The following ELOVL6 variants were observed in gnomAD, a reference collection of about 807,000 sequenced individuals.
The protein encoded by ELOVL6 is ELOVL fatty acid elongase 6, also known as very long chain fatty acid elongase 6.
In ELOVL6, 8 loss-of-function variants were observed where a neutral mutation model predicts 31.7. The observed-to-expected ratio is 0.25, with a 90% CI of 0.15 to 0.45. The LOEUF (loss-of-function observed/expected upper bound fraction) is 0.45. Ranked by LOEUF, ELOVL6 falls within the 20% of genes least tolerant of loss-of-function variation. ELOVL6 has a pLI of 1.00. For synonymous variants in ELOVL6, 101 were observed against 117.7 expected (o/e 0.86, Z 0.92); for missense variants, 126 against 326.4 (o/e 0.39, Z 4.73).
At chr4:110,186,249 C>A (rs1187466663) in intron 1 of ELOVL6, among the ~76,000 whole-genome samples, 1 of 151,924 alleles carries the variant, frequency 6.6e-6, no homozygotes, top group African/African-American at 2.4e-5. Context: ...AGTGACTTAA[C>A]AAGTAGGTGA....
At chr4:110,127,238 C>T (rs1215951682) in intron 1 of ELOVL6, among the ~76,000 whole-genome samples, 1 of 151,838 alleles carries the variant, frequency 6.6e-6, no homozygotes, top group East Asian at 1.9e-4. Context: ...GAAACCCTGT[C>T]TCTACTAAAA....
chr4:110,195,423 AAAATT>A (rs1311890872), intron 1 of ELOVL6, among the ~76,000 whole-genome samples: 2 of 152,174 alleles, frequency 1.3e-5, no homozygotes, highest in African/African-American at 4.8e-5. Flanking sequence ...CCCGGCTAAT[AAAATT>A]AAATTTTAAA....
intron 1 of ELOVL6, among the ~76,000 whole-genome samples, chr4:110,167,575 C>G (rs1030250897): frequency 6.6e-6 from 1 of 152,110 alleles, no homozygotes; most frequent in East Asian, 1.9e-4. Flanking sequence ...CTCTGTTGCC[C>G]AGGCTGGAGT....
intron 1 of ELOVL6, among the ~76,000 whole-genome samples, chr4:110,188,616 G>A (rs532404840): frequency 3.4e-4 from 51 of 152,172 alleles, no homozygotes; most frequent in African/African-American, 1.0e-3. Flanking sequence ...GGCCAGGCGC[G>A]GTGGCTCATG....
At chr4:110,185,347 C>CA (rs34254189) in intron 1 of ELOVL6, among the ~76,000 whole-genome samples, 26,412 of 152,096 alleles carry the variant, frequency 0.17, 2,564 homozygotes, top group South Asian at 0.26. Flanking sequence ...AGGAGCTTTG[C>CA]AATGTTCCAA....
chr4:110,153,454 A>G (rs149394682), intron 1 of ELOVL6, among the ~76,000 whole-genome samples: 1 of 152,336 alleles, frequency 6.6e-6, no homozygotes, highest in African/African-American at 2.4e-5. Context: ...AACTTAATTG[A>G]TAATTAATAG....
At chr4:110,081,385 C>A (rs982642883) in intron 2 of ELOVL6, among the ~76,000 whole-genome samples, 4 of 152,058 alleles carry the variant, frequency 2.6e-5, no homozygotes, top group African/African-American at 9.7e-5. Flanking sequence ...GTACTGGTAC[C>A]AAAACAGAGA....
rs151235418 is a variant in ELOVL6, at chr4:110,065,303, A to C, written c.222-5549T>G. On this transcript the variant is annotated intron_variant, in intron 2 of 3. Transcript: ENST00000302274. ...ATTGGGGTCCTTTTTAAAGATGTATAAGAGATATAGCTAATCTTCTTTAAA... is the reference window on the plus strand; with the variant it reads ...ATTGGGGTCCTTTTTAAAGATGTATCAGAGATATAGCTAATCTTCTTTAAA... Among the ~76,000 whole-genome samples the C allele has an allele frequency of 3.1e-3, 468 of 152,218 alleles. 10 individuals carry two copies. The highest frequency in any genetic ancestry group is 4.6e-4 in the Non-Finnish European group (31 of 68,002).
Position 110,048,638 on chromosome 4 carries a change from A to T in ELOVL6, c.*2700T>A, listed in dbSNP as rs1403584068. The T allele has an allele frequency of 6.6e-6, 1 of 152,212 alleles. No homozygotes were observed. The highest frequency in any genetic ancestry group is 6.5e-5 in the Admixed American group (1 of 15,284). The allele number at this position is 152,212 out of a possible 1,614,324, so 9.4% of individuals were successfully genotyped here. ...TCCAGCCTCATATCTTGATATGATT[A>T]AAGCGGCTAAGCTGAGATGTTAAAA... is the stretch of plus-strand genomic sequence containing the variant. On this transcript the variant is annotated 3_prime_UTR_variant, in exon 4 of 4. Coordinates refer to ENST00000302274, the MANE Select transcript of ELOVL6 (RefSeq NM_024090.3).
intron 1 of ELOVL6, among the ~76,000 whole-genome samples, chr4:110,157,081 A>G (rs1758452088): frequency 6.6e-6 from 1 of 152,160 alleles, no homozygotes; most frequent in Non-Finnish European, 1.5e-5. Context: ...CCAAAAGTAA[A>G]TGGCCATCTG....
intron 1 of ELOVL6, among the ~76,000 whole-genome samples, chr4:110,171,718 G>T (rs1477712211): frequency 7.9e-6 from 1 of 125,802 alleles, no homozygotes; most frequent in African/African-American, 3.0e-5. Flanking sequence ...TTGAGACAGG[G>T]TCTCTCTCTG....
intron 1 of ELOVL6, among the ~76,000 whole-genome samples, chr4:110,140,219 T>C (rs1757916627): frequency 6.6e-6 from 1 of 152,206 alleles, no homozygotes; most frequent in Non-Finnish European, 1.5e-5. Flanking sequence ...TACTTTTCTT[T>C]CCACAAGATG....
intron 1 of ELOVL6, among the ~76,000 whole-genome samples, chr4:110,153,249 T>C (rs948395644): frequency 1.3e-5 from 2 of 152,204 alleles, no homozygotes; most frequent in African/African-American, 2.4e-5. Flanking sequence ...TACAGTAAAA[T>C]TGTGGTACAC....
At chr4:110,057,808 G>A (rs919207747) in intron 3 of ELOVL6, among the ~76,000 whole-genome samples, 5 of 143,756 alleles carry the variant, frequency 3.5e-5, no homozygotes, top group Non-Finnish European at 4.5e-5. Context: ...CCGAGATCGC[G>A]CCACTGCACT....
At chr4:110,084,779 G>C (rs1560816240) in intron 2 of ELOVL6, among the ~76,000 whole-genome samples, 2 of 150,698 alleles carry the variant, frequency 1.3e-5, no homozygotes, top group Non-Finnish European at 2.9e-5. Flanking sequence ...GTGTTTAGTA[G>C]AGATGGGGTT....
chr4:110,133,569 G>A (rs1250027743), intron 1 of ELOVL6, among the ~76,000 whole-genome samples: 2 of 152,132 alleles, frequency 1.3e-5, no homozygotes, highest in East Asian at 3.9e-4. Flanking sequence ...AGGTGTCAAG[G>A]GAGCCTGAGA....
chr4:110,067,869 A>G (rs1292352190), intron 2 of ELOVL6, among the ~76,000 whole-genome samples: 2 of 152,200 alleles, frequency 1.3e-5, no homozygotes, highest in Non-Finnish European at 2.9e-5. Context: ...CTCATTTCTA[A>G]TATTTATGTC....
At chr4:110,063,960 C>A (rs1755221733) in intron 2 of ELOVL6, among the ~76,000 whole-genome samples, 1 of 151,004 alleles carries the variant, frequency 6.6e-6, no homozygotes, top group African/African-American at 2.4e-5. Context: ...CGCCTGTAAT[C>A]CTAGCTACTT....
chr4:110,134,392 A>G (rs1213865046), intron 1 of ELOVL6, among the ~76,000 whole-genome samples: 1 of 152,146 alleles, frequency 6.6e-6, no homozygotes, highest in Non-Finnish European at 1.5e-5. Context: ...GTATTAAAAC[A>G]CTTCTTACCC....
Sources: allele counts gnomAD v4.1 joint callset (sites outside exome capture counted in the v4.1 genomes callset), GRCh38; gene constraint gnomAD v4.1.1; transcripts MANE v1.5; gene names NCBI Gene and HGNC (gene_info 2026-07-23, HGNC 2026-07-21).